ITPR1: variants seen among roughly 807,000 people sequenced by gnomAD.
The protein encoded by ITPR1 is inositol 1,4,5-trisphosphate receptor type 1, also known as inositol 1,4,5-trisphosphate-gated calcium channel ITPR1.
ITPR1 carries 96 observed loss-of-function variants against 318.4 expected under a neutral mutation model. That is an observed-to-expected ratio of 0.30 (90% CI 0.26 to 0.36). ITPR1 has a LOEUF of 0.36. ITPR1 is among the 10% of genes least tolerant of loss of function. The probability of loss-of-function intolerance (pLI) is 1.00; values close to 1 mark genes in which losing one functional copy is unlikely to be tolerated. For synonymous variants in ITPR1, 1,312 were observed against 1,289.9 expected (o/e 1.02, Z -0.37); for missense variants, 2,440 against 3,460.2 (o/e 0.71, Z 7.40).
chr3:4,654,137 T>G lies in ITPR1; in HGVS notation c.996+251T>G, dbSNP rs1309520333. On this transcript the variant is annotated intron_variant, in intron 12 of 61. Coordinates refer to ENST00000649015, the MANE Select transcript of ITPR1 (RefSeq NM_001378452.1). ...AGTAACGGGGTCTCCATTTCTAAGT[T>G]GGAGAAGTTCATGGTATCACTTGGA... 2.0e-4 allele frequency among the ~76,000 whole-genome samples: 31 copies of G among 152,104 alleles called. 1 individual carries two copies. Among genetic ancestry groups the G allele is most frequent in the Non-Finnish European group, 4.4e-5 (3 of 68,002 alleles).
intron 10 of ITPR1, among the ~76,000 whole-genome samples, chr3:4,649,927 C>T (rs944327593): frequency 7.9e-5 from 12 of 152,278 alleles, no homozygotes; most frequent in Admixed American, 2.6e-4. Context: ...TGAAGTATAA[C>T]GTAAACGATC....
intron 5 of ITPR1, among the ~76,000 whole-genome samples, chr3:4,632,984 G>C (rs955754686): frequency 1.5e-5 from 2 of 135,466 alleles, no homozygotes; most frequent in African/African-American, 3.0e-5. Context: ...CTATTGCCAG[G>C]CTGGAGTGTA....
intron 4 of ITPR1, among the ~76,000 whole-genome samples, chr3:4,560,541 A>AGAAGCATAAGAGGCGACTTTTGTGT (rs1235066111): frequency 6.6e-6 from 1 of 152,216 alleles, no homozygotes; most frequent in East Asian, 1.9e-4. Context: ...GGAATAATCC[A>AGAAGCATAAGAGGCGACTTTTGTGT]GAAGCATAAG....
chr3:4,636,315 T>C (rs2093188031), intron 5 of ITPR1, among the ~76,000 whole-genome samples: 1 of 152,250 alleles, frequency 6.6e-6, no homozygotes, highest in Non-Finnish European at 1.5e-5. Flanking sequence ...CATTTAGTGC[T>C]AATTCAGTGG....
Position 4,627,767 on chromosome 3 carries a change from C to T in ITPR1, c.168C>T (p.Cys56=). 6.2e-7 allele frequency: 1 copy of T among 1,608,700 alleles called. No individual in the cohort carries two copies. The highest frequency in any genetic ancestry group is 8.5e-7 in the Non-Finnish European group (1 of 1,175,202). The change falls in exon 5 of 62, where the codon TGC becomes TGT. Residue 56 remains cysteine, a synonymous_variant. Transcript: ENST00000649015. ...LNNPPKKFRD[C]LFKLCPMNRY... ...GTTTGTTTGCTTCACTTCTAGACTGCCTCTTTAAGCTATGTCCCATGAACC... is the reference window on the plus strand; with the variant it reads ...GTTTGTTTGCTTCACTTCTAGACTGTCTCTTTAAGCTATGTCCCATGAACC...
At chr3:4,764,462 C>G (rs2045675373) in intron 44 of ITPR1, among the ~76,000 whole-genome samples, 1 of 152,236 alleles carries the variant, frequency 6.6e-6, no homozygotes, top group Admixed American at 6.5e-5. Flanking sequence ...GGAAACCACT[C>G]AGGCGAGGCA....
rs147728115 is a variant in ITPR1, at chr3:4,784,351, A to T, written c.6615+431A>T. 7.1e-3 allele frequency among the ~76,000 whole-genome samples: 1,080 copies of T among 152,242 alleles called. 6 individuals carry two copies. The highest frequency in any genetic ancestry group is 0.02 in the Middle Eastern group (6 of 294). ...AGCAAGCGAAAGCCCAGACGTGGGA[A>T]GATTCTAGGTGATCCGGAGGGGCTA... is the stretch of plus-strand genomic sequence containing the variant. On this transcript the variant is annotated intron_variant, in intron 51 of 61. Coordinates refer to ENST00000649015, the MANE Select transcript of ITPR1 (RefSeq NM_001378452.1).
chr3:4,800,463 G>A lies in ITPR1; in HGVS notation c.6970G>A (p.Ala2324Thr), dbSNP rs757806112. 3.7e-6 allele frequency: 6 copies of A among 1,613,936 alleles called. No homozygotes were observed. In the African/African-American group the frequency reaches 8.0e-5, roughly 22 times the overall value. The change falls in exon 54 of 62, where the codon GCC becomes ACC. Residue 2324 changes from alanine to threonine, a missense_variant. By Grantham distance (58) the Ala-to-Thr change is moderately conservative. Coordinates refer to ENST00000649015, the MANE Select transcript of ITPR1 (RefSeq NM_001378452.1). ...EPHWSGLLWT[A>T]MLISLAIVIA... is the part of the protein sequence containing the mutation. ...CCACTGGTCGGGACTCCTGTGGACA[G>A]CCATGCTCATCTCTCTGGCCATCGT...
chr3:4,808,893 C>T (rs2048759554), intron 55 of ITPR1, among the ~76,000 whole-genome samples: 1 of 152,214 alleles, frequency 6.6e-6, no homozygotes, highest in East Asian at 1.9e-4. Context: ...CGGACCTGGT[C>T]GTGAGCCTGC....
At chr3:4,727,700 G>A (rs2042618713) in intron 42 of ITPR1, among the ~76,000 whole-genome samples, 1 of 151,962 alleles carries the variant, frequency 6.6e-6, no homozygotes, top group South Asian at 2.1e-4. Context: ...TCAGCTTCCC[G>A]AGTAGCTGGG....
chr3:4,827,755 G>A (rs910574763), intron 60 of ITPR1, among the ~76,000 whole-genome samples: 1 of 152,208 alleles, frequency 6.6e-6, no homozygotes, highest in African/African-American at 2.4e-5. Context: ...TAGGGTCTGA[G>A]TCAGGGATCA....
Position 4,846,306 on chromosome 3 carries a change from C to T in ITPR1, c.*81C>T, listed in dbSNP as rs187833245. 191 of 897,950 alleles carry T rather than the reference C, an allele frequency of 2.1e-4. 1 individual carries two copies. The highest frequency in any genetic ancestry group is 2.6e-4 in the Non-Finnish European group (146 of 567,156). 55.6% of individuals were successfully genotyped at this position (897,950 alleles called of 1,614,324 possible). On this transcript the variant is annotated 3_prime_UTR_variant, in exon 62 of 62. Coordinates refer to ENST00000649015, the MANE Select transcript of ITPR1 (RefSeq NM_001378452.1). ...TGGCTAATGAGTTCTGATTCACCCA[C>T]GAAGGTTACATTTATGCTGAATACA... is the stretch of plus-strand genomic sequence containing the variant.
chr3:4,532,719 G>T (rs1044942585), intron 4 of ITPR1, among the ~76,000 whole-genome samples: 5 of 152,162 alleles, frequency 3.3e-5, no homozygotes, highest in African/African-American at 1.2e-4. Context: ...AGGCTCTCGG[G>T]AGCCACTGAC....
intron 54 of ITPR1, among the ~76,000 whole-genome samples, chr3:4,804,784 G>A (rs983336324): frequency 2.0e-5 from 3 of 152,170 alleles, no homozygotes; most frequent in Admixed American, 2.0e-4. Flanking sequence ...TGAATGCTTA[G>A]CCTGTCTGAG....
intron 2 of ITPR1, among the ~76,000 whole-genome samples, chr3:4,511,824 C>T (rs992644100): frequency 6.6e-5 from 10 of 152,006 alleles, no homozygotes; most frequent in Admixed American, 1.3e-4. Context: ...TCAGGAATTG[C>T]GGGGAGGATG....
intron 54 of ITPR1, among the ~76,000 whole-genome samples, chr3:4,805,700 G>A (rs1284913270): frequency 6.6e-6 from 1 of 152,202 alleles, no homozygotes; most frequent in Non-Finnish European, 1.5e-5. Flanking sequence ...AACAAATTCA[G>A]AAAATGCTTT....
chr3:4,560,020 C>G (rs2086517601), intron 4 of ITPR1, among the ~76,000 whole-genome samples: 4 of 152,160 alleles, frequency 2.6e-5, no homozygotes, highest in Admixed American at 2.6e-4. Context: ...CTTTGGGTGA[C>G]TTGCTTAACC....
intron 4 of ITPR1, among the ~76,000 whole-genome samples, chr3:4,580,287 A>G (rs1312556788): frequency 2.0e-5 from 3 of 152,190 alleles, no homozygotes; most frequent in African/African-American, 7.2e-5. Context: ...GGATATTAAC[A>G]TTAAGTATTC....
rs531635262 is a variant in ITPR1 at position 4,542,684 on chromosome 3, G to T, written c.163+21590G>T. On this transcript the variant is annotated intron_variant, in intron 4 of 61. Transcript: ENST00000649015. ...GAAGCTGTAGCTTCTTGTGTGTGGC[G>T]GGGGGGTGGGTCTGAGCTTTATGCA... Among the ~76,000 whole-genome samples the T allele has an allele frequency of 1.3e-3, 191 of 148,776 alleles. 3 individuals carry two copies. The highest frequency in any genetic ancestry group is 4.4e-3 in the African/African-American group (177 of 40,350).
Sources: allele counts gnomAD v4.1 joint callset (sites outside exome capture counted in the v4.1 genomes callset), GRCh38; gene constraint gnomAD v4.1.1; transcripts MANE v1.5; gene names NCBI Gene and HGNC (gene_info 2026-07-23, HGNC 2026-07-21).